PAM: variants seen among roughly 807,000 people sequenced by gnomAD.
The protein encoded by PAM is peptidyl-glycine alpha-amidating monooxygenase.
PAM carries 72 observed loss-of-function variants against 122.1 expected under a neutral mutation model. The observed-to-expected ratio is 0.59, with a 90% CI of 0.49 to 0.72. The LOEUF (loss-of-function observed/expected upper bound fraction) is 0.72, where lower values mean the gene tolerates loss of function less well. Among genes scored for constraint, PAM ranks in the 30% least tolerant of loss-of-function variants. PAM has a pLI of 0.00. For missense variants in PAM, 1,106 were observed against 1,183.7 expected (o/e 0.93, Z 0.96); for synonymous variants, 389 against 404.4 (o/e 0.96, Z 0.46).
chr5:102,830,614 GT>G (rs1775155624), intron 1 of PAM, among the ~76,000 whole-genome samples: 1 of 152,150 alleles, frequency 6.6e-6, no homozygotes, highest in African/African-American at 2.4e-5. Context: ...TTTGAAGGAG[GT>G]TTGATATTAG....
Position 102,829,433 on chromosome 5 carries a change from G to A in PAM, c.-373-36390G>A, listed in dbSNP as rs554243736. Among the ~76,000 whole-genome samples, 1,050 of 148,624 alleles carry A rather than the reference G, an allele frequency of 7.1e-3. 10 individuals carry two copies. Among genetic ancestry groups the A allele is most frequent in the South Asian group, 0.022 (106 of 4,734 alleles). On this transcript the variant is annotated intron_variant, in intron 1 of 25. Coordinates refer to ENST00000438793, the MANE Select transcript of PAM (RefSeq NM_001177306.2). ...GTCACCCAGGCAGGAGTGCAGTGTCGCGATCTCGGTTCACTGCAAGCTCCG... is the reference window on the plus strand; with the variant it reads ...GTCACCCAGGCAGGAGTGCAGTGTCACGATCTCGGTTCACTGCAAGCTCCG...
At chr5:102,953,383 A>AG (rs373729256) in intron 12 of PAM, among the ~76,000 whole-genome samples, 70 of 151,870 alleles carry the variant, frequency 4.6e-4, no homozygotes, top group African/African-American at 1.0e-3. Context: ...CTTTACAAGG[A>AG]GGGGGGGGAA....
intron 5 of PAM, among the ~76,000 whole-genome samples, chr5:102,923,691 C>G (rs189362700): frequency 2.0e-5 from 3 of 152,340 alleles, no homozygotes; most frequent in Admixed American, 2.0e-4. Context: ...AGTTACCGCA[C>G]TGAGTGCCTT....
chr5:102,817,321 G>C (rs1166098338), intron 1 of PAM, among the ~76,000 whole-genome samples: 1 of 151,846 alleles, frequency 6.6e-6, no homozygotes, highest in East Asian at 1.9e-4. Context: ...TCTCAATATG[G>C]TAGCCACTTG....
chr5:102,827,775 T>C (rs1383975847), intron 1 of PAM, among the ~76,000 whole-genome samples: 1 of 35,866 alleles, frequency 2.8e-5, no homozygotes, highest in Non-Finnish European at 4.5e-5. Flanking sequence ...CAAGCTCCGC[T>C]TCCCGGGTTC....
chr5:102,959,783 AT>A (rs1761913377), intron 12 of PAM, 91 bp from the exon 13 acceptor site: 1 of 765,760 alleles, frequency 1.3e-6, no homozygotes, highest in Non-Finnish European at 2.2e-6. Context: ...CTTTGAATCC[AT>A]TGCTGGCAGA....
intron 21 of PAM, 41 bp from the exon 22 acceptor site, chr5:103,017,292 TA>T (rs1782296015): frequency 8.3e-7 from 1 of 1,210,426 alleles, no homozygotes; most frequent in Admixed American, 1.7e-5. Flanking sequence ...AGGATTCAAG[TA>T]AAGGCTCACC....
At chr5:102,921,385 A>G (rs1387577340) in intron 5 of PAM, among the ~76,000 whole-genome samples, 1 of 152,096 alleles carries the variant, frequency 6.6e-6, no homozygotes, top group Non-Finnish European at 1.5e-5. Flanking sequence ...TTACATGGAG[A>G]AAATATGATG....
intron 16 of PAM, among the ~76,000 whole-genome samples, chr5:102,999,399 G>C (rs1390372780): frequency 6.6e-6 from 1 of 152,228 alleles, no homozygotes; most frequent in Non-Finnish European, 1.5e-5. Context: ...AGTTGGCATT[G>C]AGTGTCTGTT....
rs537531279 is a variant in PAM, at chr5:102,867,377, G to C, written c.194G>C (p.Gly65Ala). ...TTTGCATTGGATATTCGCATGCCTG[G>C]GGTTACACCTAAACAGGTGAGAGGA... ...SDFALDIRMP[G>A]VTPKQSDTYF... Residue 65 changes from glycine to alanine, a missense_variant, in exon 3 of 26, where the codon GGG becomes GCG. Physicochemically the swap from Gly to Ala is moderately conservative, Grantham distance 60. Transcript: ENST00000438793. 6.2e-7 allele frequency: 1 copy of C among 1,608,630 alleles called. No individual in the cohort carries two copies. Among genetic ancestry groups the C allele is most frequent in the East Asian group, 2.2e-5 (1 of 44,776 alleles).
At chr5:102,901,291 A>G (rs1237689772) in intron 3 of PAM, 65 bp from the exon 4 acceptor site, 11 of 930,146 alleles carry the variant, frequency 1.2e-5, no homozygotes, top group Non-Finnish European at 1.7e-5. Flanking sequence ...CCACGTTTTA[A>G]TAGTTATTAT....
chr5:102,896,322 A>G (rs1282805171), intron 3 of PAM, among the ~76,000 whole-genome samples: 1 of 151,700 alleles, frequency 6.6e-6, no homozygotes, highest in Non-Finnish European at 1.5e-5. Flanking sequence ...TAGTTTAAAA[A>G]TGCAAATGGG....
intron 5 of PAM, among the ~76,000 whole-genome samples, chr5:102,923,303 G>T (rs998856811): frequency 6.6e-6 from 1 of 152,150 alleles, no homozygotes; most frequent in Non-Finnish European, 1.5e-5. Context: ...TATGTGCAAC[G>T]TGGGTGTTTT....
chr5:102,996,542 C>G (rs1310221675), intron 16 of PAM, among the ~76,000 whole-genome samples: 3 of 152,148 alleles, frequency 2.0e-5, no homozygotes, highest in Non-Finnish European at 4.4e-5. Flanking sequence ...TGGAGGGGGA[C>G]TGTGATTTTC....
intron 1 of PAM, chr5:102,838,454 A>T (rs1394691319): frequency 6.6e-6 from 1 of 152,150 alleles, no homozygotes; most frequent in Non-Finnish European, 1.5e-5. Context: ...TGTGGGGAGA[A>T]GGGAAGGAAA....
chr5:102,778,685 A>G (rs1194050565), intron 1 of PAM, among the ~76,000 whole-genome samples: 2 of 152,150 alleles, frequency 1.3e-5, no homozygotes, highest in Non-Finnish European at 2.9e-5. Context: ...CTCTGAAATG[A>G]GTCATTTTTA....
Position 102,779,918 on chromosome 5 carries a change from T to TATATATATACACACACAC in PAM, c.-374+24571_-374+24572insTATATATACACACACACA, listed in dbSNP as rs147065045. Among the ~76,000 whole-genome samples the TATATATATACACACACAC allele has an allele frequency of 2.7e-3, 258 of 95,618 alleles. 1 individual carries two copies. The highest frequency in any genetic ancestry group is 9.0e-3 in the African/African-American group (199 of 22,040). The allele number at this position is 95,618 out of a possible 152,430, so 62.7% of individuals were successfully genotyped here. A position where few individuals can be genotyped will look rare whatever the true frequency, so the allele number is the denominator to read the frequency against. ...ATATATATATATATATATATATATA[T>TATATATATACACACACAC]ACACACATATATATATGTATATATC... On this transcript the variant is annotated intron_variant, in intron 1 of 25. Transcript: ENST00000438793.
rs562501912 is a variant in PAM at position 102,892,135 on chromosome 5, A to G, written c.211-9221A>G. Among the ~76,000 whole-genome samples the G allele has an allele frequency of 2.0e-5, 3 of 151,896 alleles. No individual in the cohort carries two copies. In the South Asian group the frequency reaches 6.2e-4, roughly 31 times the overall value. On this transcript the variant is annotated intron_variant, in intron 3 of 25. Coordinates refer to ENST00000438793, the MANE Select transcript of PAM (RefSeq NM_001177306.2). Reference sequence around the variant, plus strand: ...CTTCTGGGAAAGTGTCATTCTTGAAAAGGACCTTAAGGAAGAGACTTTCCC... The same window carrying G: ...CTTCTGGGAAAGTGTCATTCTTGAAGAGGACCTTAAGGAAGAGACTTTCCC...
chr5:103,019,992 A>C, intron 23 of PAM, 149 bp downstream of exon 23: 1 of 640,952 alleles, frequency 1.6e-6, no homozygotes, highest in Non-Finnish European at 2.8e-6. Flanking sequence ...GAGCCTTTAA[A>C]CCTGTATGTT....
Sources: allele counts gnomAD v4.1 joint callset (sites outside exome capture counted in the v4.1 genomes callset), GRCh38; gene constraint gnomAD v4.1.1; transcripts MANE v1.5; gene names NCBI Gene and HGNC (gene_info 2026-07-23, HGNC 2026-07-21).